ADCY6: variants seen among roughly 807,000 people sequenced by gnomAD.
ADCY6 encodes adenylate cyclase 6, also known as adenylate cyclase type 6.
In ADCY6, 59 loss-of-function variants were observed where a neutral mutation model predicts 111.6. The ratio of observed to expected loss-of-function variants is 0.53; its 90% CI spans 0.43 to 0.66. The LOEUF (loss-of-function observed/expected upper bound fraction) is 0.66. Ranked by LOEUF, ADCY6 falls within the 30% of genes least tolerant of loss-of-function variation. The pLI is 0.00. For synonymous variants in ADCY6, 576 were observed against 642.9 expected (o/e 0.90, Z 1.57); for missense variants, 1,242 against 1,595.6 (o/e 0.78, Z 3.78).
rs770953289 is a variant in ADCY6 at position 48,774,460 on chromosome 12, C to T, written c.2225G>A (p.Ser742Asn). Residue 742 changes from serine to asparagine, a missense_variant, in exon 14 of 22, where the codon AGC becomes AAC. By Grantham distance (46) the Ser-to-Asn change is conservative. This residue lies in a region of ADCY6 where 375 missense variants were observed against 432.5 expected (regional missense o/e 0.87). Transcript: ENST00000357869. ...SRSIVRSRAH[S>N]TAVGIFSVLL... Reference sequence around the variant, plus strand: ...GACGGAAAAGATGCCAACTGCGGTGCTATGTGCCCGTGAGCGGACAATGCT... The same window carrying T: ...GACGGAAAAGATGCCAACTGCGGTGTTATGTGCCCGTGAGCGGACAATGCT... The T allele has an allele frequency of 2.5e-6, 4 of 1,613,866 alleles. No individual in the cohort carries two copies. Among genetic ancestry groups the T allele is most frequent in the Non-Finnish European group, 3.4e-6 (4 of 1,180,004 alleles).
rs116290355 is a variant in ADCY6 at position 48,776,221 on chromosome 12, G to T, written c.1665C>A (p.Ala555=). The part of the protein sequence containing the change: ...QHIETFLILG[A]SQKRKEEKAM... ...CCCTGGCCCTGACCCGTTTCTGGCT[G>T]GCGCCCAGGATGAGGAAAGTCTCAA... is the stretch of plus-strand genomic sequence containing the variant. Residue 555 remains alanine (A), a synonymous_variant, in exon 8 of 22, where the codon GCC becomes GCA. Coordinates refer to ENST00000357869, the MANE Select transcript of ADCY6 (RefSeq NM_015270.5). This position sits in a 1 kb window ranked among gnomAD's most constrained non-coding sequence, Gnocchi z 6.1. 5.9e-4 allele frequency: 955 copies of T among 1,614,202 alleles called. No homozygotes were observed. Among genetic ancestry groups the T allele is most frequent in the Non-Finnish European group, 7.6e-4 (896 of 1,180,044 alleles).
At position 48,782,335 on chromosome 12, in the gene ADCY6, G is replaced by A. The variant is rs1941864203; in HGVS notation, c.864+236C>T. Among the ~76,000 whole-genome samples the A allele has an allele frequency of 6.6e-6, 1 of 152,094 alleles. No homozygotes were observed. Among genetic ancestry groups the A allele is most frequent in the African/African-American group, 2.4e-5 (1 of 41,392 alleles). On this transcript the variant is annotated intron_variant, in intron 2 of 21. Transcript: ENST00000357869. The surrounding 1 kb of genome is among the most constrained non-coding windows in gnomAD (Gnocchi z 4.3). ...GCCCATGGTGACAGAGTTCAGGCTT[G>A]GGTCCTGGGGCCCTCCCTCCCCTCA...
At chr12:48,786,892 C>T (rs532635525) in intron 1 of ADCY6, among the ~76,000 whole-genome samples, 2 of 152,168 alleles carry the variant, frequency 1.3e-5, no homozygotes, top group Non-Finnish European at 2.9e-5. Context: ...GTGTCAGTAC[C>T]TTCATCTGCA....
intron 12 of ADCY6, 67 bp downstream of exon 12, chr12:48,774,890 G>A (rs1941652643): frequency 1.3e-6 from 2 of 1,521,708 alleles, no homozygotes; most frequent in Non-Finnish European, 1.8e-6. Context: ...GGGCTTGTGT[G>A]GGTATTTAGG....
In ADCY6 at chr12:48,782,706, C is replaced by T. The variant is rs2137384740; in HGVS notation, c.729G>A (p.Val243=). 6.3e-7 allele frequency: 1 copy of T among 1,592,450 alleles called. No homozygotes were observed. Among genetic ancestry groups the T allele is most frequent in the Non-Finnish European group, 8.6e-7 (1 of 1,168,668 alleles). The change falls in exon 2 of 22, where the codon GTG becomes GTA. Residue 243 remains valine (V), a synonymous_variant. Coordinates refer to ENST00000357869, the MANE Select transcript of ADCY6 (RefSeq NM_015270.5). The surrounding 1 kb of genome is among the most constrained non-coding windows in gnomAD (Gnocchi z 4.3). ...GCGTGTAGGCGATGTAGACAAAGAA[C>T]ACAGGGCACCAGAGGCCCGCAGAGG... The part of the protein sequence containing the change: ...RSPSAGLWCP[V]FFVYIAYTLL...
At position 48,782,592 on chromosome 12, in the gene ADCY6, A is replaced by G. The variant is rs1941871289; in HGVS notation, c.843T>C (p.Gly281=). 6.2e-7 allele frequency: 1 copy of G among 1,611,626 alleles called. No individual in the cohort carries two copies. The highest frequency in any genetic ancestry group is 1.3e-5 in the African/African-American group (1 of 74,870). Residue 281 remains glycine, a synonymous_variant, in exon 2 of 22, where the codon GGT becomes GGC. Coordinates refer to ENST00000357869, the MANE Select transcript of ADCY6 (RefSeq NM_015270.5). The surrounding 1 kb of genome is among the most constrained non-coding windows in gnomAD (Gnocchi z 4.3). The part of the protein sequence containing the change: ...HLILAWQLNR[G]DAFLWKQLGA... ...CTACCTGCTTCCAGAGGAAGGCATC[A>G]CCACGGTTAAGTTGCCAGGCCAAGA...
At chr12:48,787,638 A>T (rs2137402793) in intron 1 of ADCY6, among the ~76,000 whole-genome samples, 1 of 152,168 alleles carries the variant, frequency 6.6e-6, no homozygotes, top group Middle Eastern at 3.4e-3. Flanking sequence ...GCAACCCATC[A>T]CTATGAGCCC....
upstream of ADCY6, among the ~76,000 whole-genome samples, chr12:48,789,406 G>C (rs1180682532): frequency 6.6e-6 from 1 of 151,924 alleles, no homozygotes; most frequent in Admixed American, 6.5e-5. Flanking sequence ...GCCTCCTCCG[G>C]CATTCCTCTC....
chr12:48,786,101 A>C (rs775756073), intron 1 of ADCY6, among the ~76,000 whole-genome samples: 9 of 152,186 alleles, frequency 5.9e-5, no homozygotes, highest in Non-Finnish European at 1.2e-4. Context: ...CCTTGTAATT[A>C]AACCTGCTGA....
Position 48,766,253 on chromosome 12 carries a change from A to C in ADCY6, c.*2338T>G, listed in dbSNP as rs1403530937. On this transcript the variant is annotated 3_prime_UTR_variant, in exon 22 of 22. Transcript: ENST00000357869. ...TATATTAAATATTTCACTGAAATAC[A>C]TGGTTCACCATCCTCCCCCACCCCC... 2 of 152,678 alleles carry C rather than the reference A, an allele frequency of 1.3e-5. No homozygotes were observed. The highest frequency in any genetic ancestry group is 3.8e-4 in the East Asian group (2 of 5,202). The allele number at this position is 152,678 out of a possible 1,614,324, so 9.5% of individuals were successfully genotyped here.
In ADCY6 at chr12:48,777,583, C is replaced by T. The variant is rs1448612437; in HGVS notation, c.1136+32G>A. On this transcript the variant is annotated intron_variant, in intron 4 of 21. Transcript: ENST00000357869. This position sits in a 1 kb window ranked among gnomAD's most constrained non-coding sequence, Gnocchi z 4.9. ...CCCTCAAAGACTTCCAGACCCCCCG[C>T]CCTGCTGGGCATCCTCCTACCCTCA... 1 of 1,612,944 alleles carries T rather than the reference C, an allele frequency of 6.2e-7. No individual in the cohort carries two copies. Among genetic ancestry groups the T allele is most frequent in the Admixed American group, 1.7e-5 (1 of 59,958 alleles).
rs1461651343 is a variant in ADCY6, at chr12:48,774,709, A to G, written c.2148T>C (p.Ala716=). 9 of 1,614,024 alleles carry G rather than the reference A, an allele frequency of 5.6e-6. No individual in the cohort carries two copies. The highest frequency in any genetic ancestry group is 2.2e-5 in the East Asian group (1 of 44,896). The change falls in exon 13 of 22, where the codon GCT becomes GCC. Residue 716 remains alanine, a synonymous_variant. Coordinates refer to ENST00000357869, the MANE Select transcript of ADCY6 (RefSeq NM_015270.5). ...TACGTACAGAACCACAGGAGTACAC[A>G]GCACAGATCAGCACGGTGATTAGCA... ...LLLLITVLIC[A]VYSCGSLFPK...
intron 1 of ADCY6, 72 bp from the exon 2 acceptor site, chr12:48,783,510 A>C (rs1941912033): frequency 6.3e-7 from 1 of 1,599,512 alleles, no homozygotes; most frequent in East Asian, 2.2e-5. Flanking sequence ...CATCACAGCC[A>C]CTGCCACCAC....
At position 48,771,704 on chromosome 12, in the gene ADCY6, A is replaced by T; in HGVS notation, c.3051+6T>A. The T allele has an allele frequency of 6.2e-7, 1 of 1,613,948 alleles. No individual in the cohort carries two copies. The highest frequency in any genetic ancestry group is 8.5e-7 in the Non-Finnish European group (1 of 1,180,030). ...CTCTGCCACCACCAGCCAACTGGAA[A>T]AGTACCTCATCAAAGTCAGCGATGA... is the stretch of plus-strand genomic sequence containing the variant. On this transcript the variant is annotated splice_donor_region_variant and intron_variant, in intron 19 of 21. Coordinates refer to ENST00000357869, the MANE Select transcript of ADCY6 (RefSeq NM_015270.5). The surrounding 1 kb of genome is among the most constrained non-coding windows in gnomAD (Gnocchi z 4.3).
intron 11 of ADCY6, 96 bp downstream of exon 11, chr12:48,775,207 C>G: frequency 1.3e-6 from 2 of 1,557,086 alleles, no homozygotes; most frequent in African/African-American, 1.4e-5. Flanking sequence ...CTTCTCCATC[C>G]CCCAGAAACA....
Position 48,783,693 on chromosome 12 carries a change from A to G in ADCY6, c.-4-255T>C, listed in dbSNP as rs1941916081. The G allele has an allele frequency of 2.6e-5, 19 of 735,996 alleles. No individual in the cohort carries two copies. The South Asian group carries it at 3.6e-4, about 14-fold the overall frequency. The allele number at this position is 735,996 out of a possible 1,614,324, so 45.6% of individuals were successfully genotyped here. Reference sequence around the variant, plus strand: ...CACAGTGGCTTACACCTGTAATCCCAGCACTTTGTGAGGCCGAGATAGGAG... The same window carrying G: ...CACAGTGGCTTACACCTGTAATCCCGGCACTTTGTGAGGCCGAGATAGGAG... On this transcript the variant is annotated intron_variant, in intron 1 of 21. Transcript: ENST00000357869.
rs1279715030 is a variant in ADCY6, at chr12:48,777,586, T to C, written c.1136+29A>G. 1 of 1,613,000 alleles carries C rather than the reference T, an allele frequency of 6.2e-7. No individual in the cohort carries two copies. Among genetic ancestry groups the C allele is most frequent in the Non-Finnish European group, 8.5e-7 (1 of 1,179,944 alleles). ...TCAAAGACTTCCAGACCCCCCGCCC[T>C]GCTGGGCATCCTCCTACCCTCACCC... On this transcript the variant is annotated intron_variant, in intron 4 of 21. Transcript: ENST00000357869. The surrounding 1 kb of genome is among the most constrained non-coding windows in gnomAD (Gnocchi z 4.9).
At position 48,776,254 on chromosome 12, in the gene ADCY6, C is replaced by A; in HGVS notation, c.1632G>T (p.Glu544Asp). The A allele has an allele frequency of 6.2e-7, 1 of 1,614,234 alleles. No individual in the cohort carries two copies. The highest frequency in any genetic ancestry group is 2.2e-5 in the East Asian group (1 of 44,874). Residue 544 changes from glutamate (E) to aspartate (D), a missense_variant, in exon 8 of 22, where the codon GAG (glutamate) becomes GAT (aspartate). Around this residue, in one of 4 missense-constraint regions of ADCY6, gnomAD observed 260 missense variants for 414.6 expected, o/e 0.63. Transcript: ENST00000357869. This position sits in a 1 kb window ranked among gnomAD's most constrained non-coding sequence, Gnocchi z 6.1. The part of the protein sequence containing the change: ...RGGERNAYLK[E>D]QHIETFLILG... Reference sequence around the variant, plus strand: ...GGATGAGGAAAGTCTCAATGTGCTGCTCCTTGAGGTACGCGTTGCGCTCGC... The same window carrying A: ...GGATGAGGAAAGTCTCAATGTGCTGATCCTTGAGGTACGCGTTGCGCTCGC...
chr12:48,784,604 A>G (rs1266798175), intron 1 of ADCY6, among the ~76,000 whole-genome samples: 1 of 148,690 alleles, frequency 6.7e-6, no homozygotes, highest in Non-Finnish European at 1.5e-5. Context: ...GACTGTTGCC[A>G]CTGGGTCCCA....
Sources: gnomAD v4.1 joint callset for allele counts (sites outside exome capture counted in the v4.1 genomes callset) on GRCh38, gnomAD v4.1.1 for gene constraint, gnomAD v4.1.1 regional missense constraint, Gnocchi (gnomAD v3.1) non-coding constraint, MANE v1.5 for transcripts, NCBI Gene and HGNC (gene_info 2026-07-23, HGNC 2026-07-21) for gene names.